The following ARHGAP24 variants were observed in gnomAD, a reference collection of about 807,000 sequenced individuals.
ARHGAP24 encodes rho GTPase-activating protein 24.
In ARHGAP24, 50 loss-of-function variants were observed where a neutral mutation model predicts 76.4. That is an observed-to-expected ratio of 0.65 (90% CI 0.52 to 0.83). ARHGAP24 has a LOEUF of 0.83. Among genes scored for constraint, ARHGAP24 ranks in the 40% least tolerant of loss-of-function variants. ARHGAP24 has a pLI of 0.00. For synonymous variants in ARHGAP24, 345 were observed against 323.3 expected (o/e 1.07, Z -0.72); for missense variants, 930 against 914.2 (o/e 1.02, Z -0.22).
chr4:85,960,480 G>C (rs1243809195), intron 5 of ARHGAP24, among the ~76,000 whole-genome samples: 1 of 152,088 alleles, frequency 6.6e-6, no homozygotes, highest in Non-Finnish European at 1.5e-5. Flanking sequence ...AGAACTAGAA[G>C]ATGAACTCAA....
intron 2 of ARHGAP24, among the ~76,000 whole-genome samples, chr4:85,625,115 T>A (rs1309029322): frequency 6.6e-6 from 1 of 152,216 alleles, no homozygotes; most frequent in Non-Finnish European, 1.5e-5. Context: ...TTCTGCTAGC[T>A]TTTGAATGTG....
intron 5 of ARHGAP24, among the ~76,000 whole-genome samples, chr4:85,948,214 A>G (rs1290083155): frequency 6.6e-6 from 1 of 152,198 alleles, no homozygotes; most frequent in Non-Finnish European, 1.5e-5. Flanking sequence ...TCCACAACAT[A>G]AAAACAATGA....
At chr4:85,490,542 C>A (rs865993457) in intron 1 of ARHGAP24, among the ~76,000 whole-genome samples, 1 of 152,248 alleles carries the variant, frequency 6.6e-6, no homozygotes. Context: ...AACCAGTTTA[C>A]CCTTTCTGAA....
At chr4:85,616,040 A>G (rs1464113454) in intron 2 of ARHGAP24, among the ~76,000 whole-genome samples, 1 of 152,228 alleles carries the variant, frequency 6.6e-6, no homozygotes, top group Non-Finnish European at 1.5e-5. Flanking sequence ...TTTTAATTAT[A>G]TGCCTCAAAG....
At chr4:85,832,141 A>G (rs1458779799) in intron 3 of ARHGAP24, among the ~76,000 whole-genome samples, 1 of 152,184 alleles carries the variant, frequency 6.6e-6, no homozygotes, top group Non-Finnish European at 1.5e-5. Context: ...AAAAGAAAAC[A>G]GGAGCAAGAG....
chr4:85,657,979 TCCTGG>T (rs1722235352), intron 2 of ARHGAP24, among the ~76,000 whole-genome samples: 1 of 152,194 alleles, frequency 6.6e-6, no homozygotes, highest in South Asian at 2.1e-4. Flanking sequence ...GGTCTCAAAT[TCCTGG>T]CCTCAAGTGA....
intron 8 of ARHGAP24, among the ~76,000 whole-genome samples, chr4:85,979,999 C>G (rs1739560464): frequency 6.6e-6 from 1 of 152,150 alleles, no homozygotes; most frequent in African/African-American, 2.4e-5. Context: ...TTTTGACAGG[C>G]CTTCCTAGTT....
intron 2 of ARHGAP24, among the ~76,000 whole-genome samples, chr4:85,681,264 C>T (rs1723194592): frequency 6.6e-6 from 1 of 152,140 alleles, no homozygotes; most frequent in African/African-American, 2.4e-5. Flanking sequence ...GCATAAGCAA[C>T]TTGACAATCC....
chr4:85,951,956 A>T (rs1488739891), intron 5 of ARHGAP24, among the ~76,000 whole-genome samples: 1 of 140,458 alleles, frequency 7.1e-6, no homozygotes, highest in Non-Finnish European at 1.6e-5. Context: ...GTTTAATTTG[A>T]ATATTATTTA....
chr4:85,989,551 C>T (rs923237778), intron 8 of ARHGAP24, among the ~76,000 whole-genome samples: 3 of 151,542 alleles, frequency 2.0e-5, no homozygotes, highest in African/African-American at 7.3e-5. Flanking sequence ...GGCAGTGTTG[C>T]TCTAATATCA....
chr4:85,989,570 A>G (rs186848571), intron 8 of ARHGAP24, among the ~76,000 whole-genome samples: 1 of 151,710 alleles, frequency 6.6e-6, no homozygotes, highest in Non-Finnish European at 1.5e-5. Context: ...CAAAACAGAT[A>G]AAGACATTAT....
intron 1 of ARHGAP24, among the ~76,000 whole-genome samples, chr4:85,507,250 C>T (rs1175462273): frequency 6.6e-6 from 1 of 151,996 alleles, no homozygotes; most frequent in Non-Finnish European, 1.5e-5. Context: ...GAGACAGGGT[C>T]TTACTCTGTC....
chr4:85,641,737 T>C (rs6811202), intron 2 of ARHGAP24, among the ~76,000 whole-genome samples: 7,984 of 152,196 alleles, frequency 0.052, 678 homozygotes, highest in African/African-American at 0.18. Context: ...TTAGAAAGAA[T>C]ATTAGAAAGG....
chr4:85,814,339 A>G (rs1444113421), intron 3 of ARHGAP24, among the ~76,000 whole-genome samples: 1 of 152,312 alleles, frequency 6.6e-6, no homozygotes, highest in East Asian at 1.9e-4. Flanking sequence ...CCACAGTCCA[A>G]AGTCTCATCT....
chr4:85,876,663 A>G (rs1732954413), intron 3 of ARHGAP24, among the ~76,000 whole-genome samples: 1 of 152,214 alleles, frequency 6.6e-6, no homozygotes, highest in Non-Finnish European at 1.5e-5. Context: ...CTATAAAAAT[A>G]ACATAAAATC....
chr4:85,652,608 A>C (rs1001149200), intron 2 of ARHGAP24, among the ~76,000 whole-genome samples: 1 of 152,244 alleles, frequency 6.6e-6, no homozygotes, highest in Non-Finnish European at 1.5e-5. Flanking sequence ...GAAGTGCCTG[A>C]ATCATTCTAG....
chr4:85,732,105 C>A (rs1482092), intron 3 of ARHGAP24, among the ~76,000 whole-genome samples: 33,263 of 152,084 alleles, frequency 0.22, 3,964 homozygotes, highest in East Asian at 0.36. Flanking sequence ...TTGAAAAGGG[C>A]TTTCAATCTA....
intron 3 of ARHGAP24, among the ~76,000 whole-genome samples, chr4:85,877,428 C>A (rs934523863): frequency 2.0e-5 from 3 of 152,120 alleles, no homozygotes; most frequent in African/African-American, 2.4e-5. Context: ...AATTTGAGAC[C>A]AGCCTGGGCA....
chr4:85,666,568 A>G (rs1242269719), intron 2 of ARHGAP24, among the ~76,000 whole-genome samples: 2 of 152,078 alleles, frequency 1.3e-5, no homozygotes, highest in Non-Finnish European at 1.5e-5. Flanking sequence ...GAGGAGAGGC[A>G]CTCTGCTTGT....
Sources: allele counts gnomAD v4.1 joint callset (sites outside exome capture counted in the v4.1 genomes callset), GRCh38; gene constraint gnomAD v4.1.1; transcripts MANE v1.5; gene names NCBI Gene and HGNC (gene_info 2026-07-23, HGNC 2026-07-21).